Variants in PIWIL1 observed in about 807,000 individuals in gnomAD.
The protein encoded by PIWIL1 is piwi-like protein 1.
PIWIL1 carries 73 observed loss-of-function variants against 114.4 expected under a neutral mutation model. That is an observed-to-expected ratio of 0.64 (90% CI 0.53 to 0.78). The LOEUF (loss-of-function observed/expected upper bound fraction) is 0.78. Among genes scored for constraint, PIWIL1 ranks in the 30% least tolerant of loss-of-function variants. PIWIL1 has a pLI of 0.00. For missense variants in PIWIL1, 723 were observed against 1,063.1 expected (o/e 0.68, Z 4.45); for synonymous variants, 375 against 369.0 (o/e 1.02, Z -0.19).
chr12:130,371,585 T>C lies in PIWIL1; in HGVS notation c.2573T>C (p.Leu858Pro), dbSNP rs2073818351. ...CCAAATCTGTCACTGTCAAACCGCC[T>C]TTACTACCTCTAACCTGCAGAAGAC... is the stretch of plus-strand genomic sequence containing the variant. Reference protein sequence around the residue: ...REPNLSLSNRLYYL With the variant: ...REPNLSLSNRPYYL Residue 858 changes from leucine (L) to proline (P), a missense_variant, in exon 21 of 21, where the codon CTT becomes CCT. Physicochemically the swap from Leu to Pro is moderately conservative, Grantham distance 98. Transcript: ENST00000245255. 6.2e-7 allele frequency: 1 copy of C among 1,606,068 alleles called. No individual in the cohort carries two copies. The highest frequency in any genetic ancestry group is 1.7e-5 in the Admixed American group (1 of 59,978).
downstream of PIWIL1, among the ~76,000 whole-genome samples, chr12:130,376,965 G>GC (rs764611292): frequency 4.6e-5 from 7 of 152,310 alleles, no homozygotes; most frequent in Non-Finnish European, 7.3e-5. Context: ...TGTGCTCGGA[G>GC]CCCAAGTTCC....
intron 1 of PIWIL1, chr12:130,339,784 G>A (rs550045618): frequency 2.6e-5 from 4 of 152,282 alleles, no homozygotes; most frequent in East Asian, 3.9e-4. Context: ...GCTTCCAGTC[G>A]GCTTCTAACT....
At chr12:130,362,087 C>T (rs914460753) in intron 16 of PIWIL1, among the ~76,000 whole-genome samples, 9 of 152,258 alleles carry the variant, frequency 5.9e-5, no homozygotes, top group Middle Eastern at 6.8e-3. Flanking sequence ...TCATTTTTAA[C>T]TTTTAGTTTC....
the PIWIL1 span, among the ~76,000 whole-genome samples, chr12:130,385,529 A>G: frequency 6.6e-6 from 1 of 152,232 alleles, no homozygotes. Flanking sequence ...CTGCTTTAAT[A>G]TATGATGCAG....
the PIWIL1 span, among the ~76,000 whole-genome samples, chr12:130,377,842 G>A: frequency 2.0e-5 from 3 of 152,152 alleles, no homozygotes; most frequent in Non-Finnish European, 2.9e-5. Context: ...TGATTTGCTC[G>A]CTCTCACCTT....
chr12:130,398,819 T>TAAAC, the PIWIL1 span: 2 of 179,858 alleles, frequency 1.1e-5, no homozygotes, highest in African/African-American at 4.7e-5. Context: ...TCTCTCTATG[T>TAAAC]AAACACACAG....
chr12:130,420,287 T>A, the PIWIL1 span, among the ~76,000 whole-genome samples: 1 of 152,186 alleles, frequency 6.6e-6, no homozygotes, highest in Non-Finnish European at 1.5e-5. This position sits in a 1 kb window ranked among gnomAD's most constrained non-coding sequence, Gnocchi z 4.3. Context: ...TTAGAGTTAT[T>A]TTATGTGGTG....
the PIWIL1 span, among the ~76,000 whole-genome samples, chr12:130,423,782 C>T: frequency 6.8e-6 from 1 of 147,906 alleles, no homozygotes; most frequent in Non-Finnish European, 1.5e-5. Context: ...TACTAGTAGT[C>T]ATAAATAAAT....
chr12:130,414,050 T>C, the PIWIL1 span: 1 of 1,462,728 alleles, frequency 6.8e-7, no homozygotes, highest in Non-Finnish European at 9.5e-7. Flanking sequence ...CGATACCCTG[T>C]TGCCAGTCTC....
At chr12:130,368,688 C>T (rs1159448043) in intron 19 of PIWIL1, among the ~76,000 whole-genome samples, 5 of 152,102 alleles carry the variant, frequency 3.3e-5, no homozygotes, top group Non-Finnish European at 7.3e-5. Flanking sequence ...AAACGACCCC[C>T]GATGCTTTCC....
the PIWIL1 span, among the ~76,000 whole-genome samples, chr12:130,401,958 A>T: frequency 6.6e-6 from 1 of 152,180 alleles, no homozygotes; most frequent in Admixed American, 6.5e-5. Context: ...CAGCCTGCAG[A>T]GGCTCCTGTA....
chr12:130,418,983 G>C, the PIWIL1 span, among the ~76,000 whole-genome samples: 1 of 152,204 alleles, frequency 6.6e-6, no homozygotes, highest in Non-Finnish European at 1.5e-5. Context: ...GACAGGTGTG[G>C]GGTAGAGGTG....
chr12:130,400,035 G>T, the PIWIL1 span, among the ~76,000 whole-genome samples: 1 of 152,202 alleles, frequency 6.6e-6, no homozygotes, highest in Non-Finnish European at 1.5e-5. Context: ...CTCCTGTTCA[G>T]TGAGGAGCTG....
At chr12:130,345,641 G>C (rs750479985) in intron 3 of PIWIL1, 112 bp from the exon 4 acceptor site, 86 of 1,133,728 alleles carry the variant, frequency 7.6e-5, no homozygotes, top group Non-Finnish European at 1.0e-4. Flanking sequence ...TTTATGCCTT[G>C]TCTTCTACAC....
At chr12:130,350,807 TA>T (rs896545513) in intron 9 of PIWIL1, among the ~76,000 whole-genome samples, 2 of 152,232 alleles carry the variant, frequency 1.3e-5, no homozygotes, top group African/African-American at 4.8e-5. Flanking sequence ...TAAATGAGCT[TA>T]AATATGAAAA....
chr12:130,424,822 A>G, the PIWIL1 span: 9 of 1,232,746 alleles, frequency 7.3e-6, no homozygotes, highest in Non-Finnish European at 9.1e-6. This position sits in a 1 kb window ranked among gnomAD's most constrained non-coding sequence, Gnocchi z 9.8. Flanking sequence ...GGCTGCTCCC[A>G]GAAAGTGCCT....
chr12:130,380,345 C>A, the PIWIL1 span, among the ~76,000 whole-genome samples: 1 of 152,086 alleles, frequency 6.6e-6, no homozygotes, highest in Admixed American at 6.6e-5. Context: ...CACCCCCCAA[C>A]TTTTTTTTAC....
At chr12:130,338,933 C>T (rs968056289) in intron 1 of PIWIL1, among the ~76,000 whole-genome samples, 1 of 138,956 alleles carries the variant, frequency 7.2e-6, no homozygotes, top group Non-Finnish European at 1.6e-5. Context: ...GCCTGAGTTG[C>T]CGGGGGTGCG....
In PIWIL1 at chr12:130,357,552, T is replaced by C. The variant is rs1330605858; in HGVS notation, c.1664T>C (p.Ile555Thr). Residue 555 changes from isoleucine to threonine, a missense_variant and splice_region_variant, in exon 14 of 21, where the codon ATA (isoleucine) becomes ACA (threonine). By Grantham distance (89) the Ile-to-Thr change is moderately conservative. Coordinates refer to ENST00000245255, the MANE Select transcript of PIWIL1 (RefSeq NM_004764.5). ...CAAAAGGTCACAGCAGACACCCAGA[T>C]AGTAAGTAACTAATTGACATATAGG... The part of the protein sequence containing the change: ...LQQKVTADTQ[I>T]VVCLLSSNRK... 3 of 1,605,300 alleles carry C rather than the reference T, an allele frequency of 1.9e-6. No individual in the cohort carries two copies. Among genetic ancestry groups the C allele is most frequent in the Non-Finnish European group, 1.7e-6 (2 of 1,172,122 alleles).
Sources: gnomAD v4.1 joint callset for allele counts (sites outside exome capture counted in the v4.1 genomes callset) on GRCh38, gnomAD v4.1.1 for gene constraint, Gnocchi (gnomAD v3.1) non-coding constraint, MANE v1.5 for transcripts, NCBI Gene and HGNC (gene_info 2026-07-23, HGNC 2026-07-21) for gene names.